The following GLUD1 variants were observed in gnomAD, a reference collection of about 807,000 sequenced individuals.
The protein encoded by GLUD1 is glutamate dehydrogenase 1, also known as glutamate dehydrogenase 1, mitochondrial.
GLUD1 carries 22 observed loss-of-function variants against 56.0 expected under a neutral mutation model. The ratio of observed to expected loss-of-function variants is 0.39; its 90% CI spans 0.28 to 0.56. The LOEUF (loss-of-function observed/expected upper bound fraction) is 0.56. Among genes scored for constraint, GLUD1 ranks in the 20% least tolerant of loss-of-function variants. The probability of loss-of-function intolerance (pLI) is 0.58; values close to 1 mark genes in which losing one functional copy is unlikely to be tolerated. For missense variants in GLUD1, 451 were observed against 732.0 expected (o/e 0.62, Z 4.43); for synonymous variants, 223 against 269.9 (o/e 0.83, Z 1.70).
intron 6 of GLUD1, among the ~76,000 whole-genome samples, chr10:87,061,829 G>C (rs1845943460): frequency 6.6e-6 from 1 of 151,970 alleles, no homozygotes; most frequent in Admixed American, 6.6e-5. Context: ...TGTCACCCAG[G>C]CTGGAGTGCA....
intron 11 of GLUD1, among the ~76,000 whole-genome samples, chr10:87,056,072 C>A (rs1390806130): frequency 2.3e-5 from 3 of 128,488 alleles, no homozygotes; most frequent in Non-Finnish European, 4.7e-5. Flanking sequence ...GCCAAAATCG[C>A]ACCACTGCAC....
intron 5 of GLUD1, among the ~76,000 whole-genome samples, chr10:87,065,394 A>G (rs1333639024): frequency 6.6e-6 from 1 of 151,732 alleles, no homozygotes; most frequent in Non-Finnish European, 1.5e-5. Flanking sequence ...GGCGTGAGCC[A>G]CTATGCCCAG....
chr10:87,067,043 T>C (rs189557784), intron 5 of GLUD1, among the ~76,000 whole-genome samples: 69 of 152,344 alleles, frequency 4.5e-4, no homozygotes, highest in Admixed American at 7.8e-4. Flanking sequence ...GCTCCTCTCC[T>C]GGTCCTCTGG....
chr10:87,091,593 C>A (rs963697066), intron 1 of GLUD1: 47 of 971,048 alleles, frequency 4.8e-5, no homozygotes, highest in Non-Finnish European at 5.8e-5. Flanking sequence ...TTAACACAGA[C>A]AAATCTAACG....
chr10:87,053,003 A>G (rs1331903101), intron 12 of GLUD1, among the ~76,000 whole-genome samples: 1 of 152,216 alleles, frequency 6.6e-6, no homozygotes, highest in African/African-American at 2.4e-5. Flanking sequence ...TGCTTATACC[A>G]AATTCTATAG....
rs1230764823 is a variant in GLUD1 at position 87,062,782 on chromosome 10, G to A, written c.795C>T (p.Ile265=). The A allele has an allele frequency of 1.2e-6, 2 of 1,614,136 alleles. No homozygotes were observed. Residue 265 remains isoleucine, a synonymous_variant, in exon 6 of 13, where the codon ATC becomes ATT. Coordinates refer to ENST00000277865, the MANE Select transcript of GLUD1 (RefSeq NM_005271.5). ...VTGKPISQGG[I]HGRISATGRG... is the part of the protein sequence containing the mutation. ...GGCCAGTAGCAGAGATGCGTCCATG[G>A]ATTCCCCCTTGGCTGATGGGTTTAC...
chr10:87,062,877 A>G, intron 5 of GLUD1, 42 bp from the exon 6 acceptor site: 2 of 1,567,758 alleles, frequency 1.3e-6, no homozygotes, highest in South Asian at 1.1e-5. Context: ...GTCAAGTCCA[A>G]TTTCTCTGTT....
chr10:87,052,869 C>A (rs1845675564), intron 12 of GLUD1, among the ~76,000 whole-genome samples: 2 of 152,142 alleles, frequency 1.3e-5, no homozygotes, highest in East Asian at 3.9e-4. Context: ...TCACCAATAT[C>A]TGCTTATGCT....
At chr10:87,091,477 T>C (rs1375283482) in intron 1 of GLUD1, 1 of 179,990 alleles carries the variant, frequency 5.6e-6, no homozygotes, top group Non-Finnish European at 1.1e-5. Flanking sequence ...TGAACCAGTC[T>C]TCTCAAATCA....
intron 3 of GLUD1, among the ~76,000 whole-genome samples, chr10:87,075,573 G>A (rs1369855195): frequency 1.3e-5 from 2 of 152,068 alleles, no homozygotes; most frequent in African/African-American, 2.4e-5. Context: ...TGATAGTGGG[G>A]GATACAGAGA....
chr10:87,057,679 C>T lies in GLUD1; in HGVS notation c.1494+12G>A. ...CATGTGTGAAGTACAACTGTGGGGTCACCACACTCACCGATATCCTGTCTT... is the reference window on the plus strand; with the variant it reads ...CATGTGTGAAGTACAACTGTGGGGTTACCACACTCACCGATATCCTGTCTT... On this transcript the variant is annotated intron_variant, in intron 11 of 12. Coordinates refer to ENST00000277865, the MANE Select transcript of GLUD1 (RefSeq NM_005271.5). 1.5e-6 allele frequency: 2 copies of T among 1,372,642 alleles called. No homozygotes were observed. Among genetic ancestry groups the T allele is most frequent in the Non-Finnish European group, 2.1e-6 (2 of 959,530 alleles). 85.0% of individuals were successfully genotyped at this position (1,372,642 alleles called of 1,614,324 possible). A position where few individuals can be genotyped will look rare whatever the true frequency, so the allele number is the denominator to read the frequency against.
rs1589394595 is a variant in GLUD1 at position 87,094,689 on chromosome 10, G to T, written c.81C>A (p.Ala27=). Residue 27 remains alanine, a synonymous_variant, in exon 1 of 13, where the codon GCC becomes GCA. Transcript: ENST00000277865. This position sits in a 1 kb window ranked among gnomAD's most constrained non-coding sequence, Gnocchi z 6.6. The part of the protein sequence containing the change: ...AALGSASADS[A]ALLGWARGQP... ...GTCCCCGGGCCCAGCCCAGCAACGCGGCCGAGTCGGCGGACGCCGAGCCCA... is the reference window on the plus strand; with the variant it reads ...GTCCCCGGGCCCAGCCCAGCAACGCTGCCGAGTCGGCGGACGCCGAGCCCA... 1.3e-6 allele frequency: 2 copies of T among 1,499,346 alleles called. No individual in the cohort carries two copies. Among genetic ancestry groups the T allele is most frequent in the Non-Finnish European group, 1.8e-6 (2 of 1,124,130 alleles). The allele number at this position is 1,499,346 out of a possible 1,614,324, so 92.9% of individuals were successfully genotyped here. A position where few individuals can be genotyped will look rare whatever the true frequency, so the allele number is the denominator to read the frequency against.
intron 1 of GLUD1, chr10:87,092,644 G>C: frequency 1.0e-6 from 1 of 977,268 alleles, no homozygotes; most frequent in Non-Finnish European, 1.2e-6. Context: ...AAACAGGAGA[G>C]AGCTGGGCAT....
At position 87,094,635 on chromosome 10, in the gene GLUD1, C is replaced by T. The variant is rs1050157; in HGVS notation, c.135G>A (p.Leu45=). The change falls in exon 1 of 13, where the codon CTG becomes CTA. Residue 45 remains leucine (L), a synonymous_variant. Coordinates refer to ENST00000277865, the MANE Select transcript of GLUD1 (RefSeq NM_005271.5). The surrounding 1 kb of genome is among the most constrained non-coding windows in gnomAD (Gnocchi z 6.6). ...TGTAGTGGCGCCGGGCGGCCAATGC[C>T]AGCCCCGGCTGCGGGGCGGCGGCGG... is the stretch of plus-strand genomic sequence containing the variant. ...GQPAAAPQPG[L]ALAARRHYSE... 1.2e-6 allele frequency: 2 copies of T among 1,607,292 alleles called. No individual in the cohort carries two copies. Among genetic ancestry groups the T allele is most frequent in the South Asian group, 2.2e-5 (2 of 90,804 alleles).
At chr10:87,069,839 A>G (rs1024337381) in intron 4 of GLUD1, among the ~76,000 whole-genome samples, 4 of 134,992 alleles carry the variant, frequency 3.0e-5, no homozygotes, top group Non-Finnish European at 6.2e-5. Flanking sequence ...CACCTTAAAA[A>G]TCTCATGAAG....
At chr10:87,088,993 T>C (rs1246305232) in intron 1 of GLUD1, among the ~76,000 whole-genome samples, 2 of 152,178 alleles carry the variant, frequency 1.3e-5, no homozygotes, top group African/African-American at 2.4e-5. Context: ...GAGTTGGGTG[T>C]AGGGGAAAAA....
intron 1 of GLUD1, chr10:87,093,797 G>A: frequency 6.7e-6 from 4 of 594,366 alleles, no homozygotes; most frequent in Non-Finnish European, 1.1e-5. Context: ...AAATTCCTTT[G>A]GTTAATAAAA....
chr10:87,081,261 T>C (rs7911871), intron 1 of GLUD1, among the ~76,000 whole-genome samples: 52,452 of 136,988 alleles, frequency 0.38, 10,205 homozygotes, highest in African/African-American at 0.51. Flanking sequence ...TCTGCCTGGC[T>C]GCCCCTACTG....
At position 87,094,149 on chromosome 10, in the gene GLUD1, G is replaced by T. The variant is rs921294589; in HGVS notation, c.445+176C>A. On this transcript the variant is annotated intron_variant, in intron 1 of 12. Coordinates refer to ENST00000277865, the MANE Select transcript of GLUD1 (RefSeq NM_005271.5). The surrounding 1 kb of genome is among the most constrained non-coding windows in gnomAD (Gnocchi z 6.6). ...CCAATCGCATGATGATTTTAAGGCG[G>T]AAAAATCACCATCCACAGAGCCGGC... 1.4e-6 allele frequency: 2 copies of T among 1,424,548 alleles called. No homozygotes were observed. Among genetic ancestry groups the T allele is most frequent in the African/African-American group, 2.9e-5 (2 of 69,710 alleles). 88.2% of individuals were successfully genotyped at this position (1,424,548 alleles called of 1,614,324 possible). A position where few individuals can be genotyped will look rare whatever the true frequency, so the allele number is the denominator to read the frequency against.
Sources: allele counts gnomAD v4.1 joint callset (sites outside exome capture counted in the v4.1 genomes callset), GRCh38; gene constraint gnomAD v4.1.1; non-coding constraint Gnocchi (gnomAD v3.1); transcripts MANE v1.5; gene names NCBI Gene and HGNC (gene_info 2026-07-23, HGNC 2026-07-21).